The following NXPH1 variants were observed in gnomAD, a reference collection of about 807,000 sequenced individuals.
NXPH1 encodes the protein neurexophilin 1.
A neutral mutation model predicts 23.7 loss-of-function variants in NXPH1; 5 were observed. That is an observed-to-expected ratio of 0.21 (90% CI 0.11 to 0.44). The LOEUF (loss-of-function observed/expected upper bound fraction) is 0.44. Among genes scored for constraint, NXPH1 ranks in the 20% least tolerant of loss-of-function variants. NXPH1 has a pLI of 0.99. For missense variants in NXPH1, 324 were observed against 321.6 expected (o/e 1.01, Z -0.06); for synonymous variants, 144 against 122.2 (o/e 1.18, Z -1.18).
intron 2 of NXPH1, among the ~76,000 whole-genome samples, chr7:8,669,463 GC>G (rs1272347632): frequency 2.0e-5 from 3 of 152,218 alleles, no homozygotes; most frequent in Non-Finnish European, 4.4e-5. Context: ...ACAGTATGAA[GC>G]CTGGGGCTGT....
chr7:8,654,319 G>T (rs1433019026), intron 2 of NXPH1, among the ~76,000 whole-genome samples: 1 of 152,092 alleles, frequency 6.6e-6, no homozygotes, highest in African/African-American at 2.4e-5. Flanking sequence ...AAGGTTTTCA[G>T]CTAGAGTTAA....
At chr7:8,489,999 G>A (rs147463200) in intron 2 of NXPH1, among the ~76,000 whole-genome samples, 20 of 152,080 alleles carry the variant, frequency 1.3e-4, no homozygotes, top group Non-Finnish European at 2.2e-4. Context: ...CAAGTTCTGC[G>A]GTATCTTCAG....
In NXPH1 at chr7:8,728,116, C is replaced by T. The variant is rs377181088; in HGVS notation, c.55-22892C>T. Among the ~76,000 whole-genome samples the T allele has an allele frequency of 4.0e-5, 6 of 151,630 alleles. No individual in the cohort carries two copies. In the South Asian group the frequency reaches 6.3e-4, roughly 16 times the overall value. ...TTTGAAGCAATTGTGAATGGGAGTT[C>T]ACTCATGATTTGGCTCTCTGTTTGT... On this transcript the variant is annotated intron_variant, in intron 2 of 2. Transcript: ENST00000405863.
intron 2 of NXPH1, among the ~76,000 whole-genome samples, chr7:8,555,373 A>G (rs1308126058): frequency 6.6e-6 from 1 of 151,700 alleles, no homozygotes; most frequent in Non-Finnish European, 1.5e-5. Flanking sequence ...CACCTCTGAC[A>G]GAAGACACCA....
intron 2 of NXPH1, among the ~76,000 whole-genome samples, chr7:8,526,262 C>T (rs1157823559): frequency 6.6e-6 from 1 of 152,198 alleles, no homozygotes; most frequent in African/African-American, 2.4e-5. Context: ...TTGTTTTGTC[C>T]AATTCCTCCC....
chr7:8,663,855 G>T (rs1044909288), intron 2 of NXPH1, among the ~76,000 whole-genome samples: 3 of 152,008 alleles, frequency 2.0e-5, no homozygotes, highest in Non-Finnish European at 2.9e-5. Flanking sequence ...GGTCATCAGG[G>T]TCTGTTACCC....
intron 2 of NXPH1, among the ~76,000 whole-genome samples, chr7:8,520,936 G>C (rs1439038015): frequency 6.6e-6 from 1 of 152,140 alleles, no homozygotes; most frequent in African/African-American, 2.4e-5. Context: ...GATTGAGACA[G>C]CCACAAGAAA....
chr7:8,440,288 G>C (rs1816275757), intron 2 of NXPH1, among the ~76,000 whole-genome samples: 1 of 152,212 alleles, frequency 6.6e-6, no homozygotes, highest in Non-Finnish European at 1.5e-5. Flanking sequence ...GAAGCACTTG[G>C]GTGGGACACT....
At chr7:8,547,838 C>T (rs993112875) in intron 2 of NXPH1, among the ~76,000 whole-genome samples, 7 of 151,454 alleles carry the variant, frequency 4.6e-5, no homozygotes, top group Admixed American at 2.0e-4. Context: ...ATTCTTTTTT[C>T]ATGGCTGCAT....
At chr7:8,453,811 C>G (rs572556749) in intron 2 of NXPH1, among the ~76,000 whole-genome samples, 3 of 152,030 alleles carry the variant, frequency 2.0e-5, no homozygotes, top group East Asian at 3.9e-4. Context: ...TTTTTTTTAT[C>G]CAGTCTATCA....
intron 2 of NXPH1, among the ~76,000 whole-genome samples, chr7:8,446,895 A>G (rs1816414796): frequency 1.4e-5 from 2 of 140,248 alleles, no homozygotes; most frequent in African/African-American, 2.9e-5. Context: ...AATGATAACT[A>G]GAATAGTAAT....
intron 2 of NXPH1, among the ~76,000 whole-genome samples, chr7:8,496,518 C>T (rs1817340635): frequency 6.6e-6 from 1 of 151,868 alleles, no homozygotes; most frequent in South Asian, 2.1e-4. Context: ...TGAGACCTGC[C>T]CAAGTCTTTA....
chr7:8,506,527 G>T (rs1459570974), intron 2 of NXPH1, among the ~76,000 whole-genome samples: 1 of 152,050 alleles, frequency 6.6e-6, no homozygotes, highest in Non-Finnish European at 1.5e-5. Context: ...TCTAGGAACA[G>T]ACTATTAATG....
intron 2 of NXPH1, among the ~76,000 whole-genome samples, chr7:8,437,842 C>T (rs1054138013): frequency 3.9e-5 from 6 of 152,180 alleles, no homozygotes; most frequent in African/African-American, 1.4e-4. Context: ...TGCCTTTTGG[C>T]AATACAGAGA....
At chr7:8,635,333 A>C (rs1057342989) in intron 2 of NXPH1, among the ~76,000 whole-genome samples, 1 of 152,196 alleles carries the variant, frequency 6.6e-6, no homozygotes, top group Non-Finnish European at 1.5e-5. Context: ...ATCACATTCT[A>C]TTTGGTTAGA....
chr7:8,475,415 G>T (rs950595175), intron 2 of NXPH1, among the ~76,000 whole-genome samples: 2 of 152,086 alleles, frequency 1.3e-5, no homozygotes, highest in Non-Finnish European at 2.9e-5. Context: ...TTTGGTATTA[G>T]GTATGTGAGG....
At chr7:8,497,093 T>C (rs1449997686) in intron 2 of NXPH1, among the ~76,000 whole-genome samples, 1 of 152,164 alleles carries the variant, frequency 6.6e-6, no homozygotes, top group African/African-American at 2.4e-5. Flanking sequence ...TTCCCACCTA[T>C]GAGTGAGAAC....
rs553342147 is a variant in NXPH1, at chr7:8,570,511, T to C, written c.54+134744T>C. On this transcript the variant is annotated intron_variant, in intron 2 of 2. Coordinates refer to ENST00000405863, the MANE Select transcript of NXPH1 (RefSeq NM_152745.3). ...GCCTTGTATACTATAGTAATCAGCA[T>C]ATGTAGAAAGTGATGTGCGAAGGCA... Among the ~76,000 whole-genome samples the C allele has an allele frequency of 3.1e-3, 475 of 152,130 alleles. 3 individuals carry two copies. Among genetic ancestry groups the C allele is most frequent in the South Asian group, 6.6e-3 (32 of 4,824 alleles).
chr7:8,612,594 T>G (rs1227213464), intron 2 of NXPH1, among the ~76,000 whole-genome samples: 1 of 152,040 alleles, frequency 6.6e-6, no homozygotes, highest in Non-Finnish European at 1.5e-5. Context: ...CATTCTAACA[T>G]TGCCTTTTGC....
Sources: allele counts gnomAD v4.1 joint callset (sites outside exome capture counted in the v4.1 genomes callset), GRCh38; gene constraint gnomAD v4.1.1; transcripts MANE v1.5; gene names NCBI Gene and HGNC (gene_info 2026-07-23, HGNC 2026-07-21).